Variants in CNTNAP4 observed in about 807,000 individuals in gnomAD.
CNTNAP4 encodes contactin-associated protein-like 4.
A neutral mutation model predicts 148.4 loss-of-function variants in CNTNAP4; 98 were observed. The observed-to-expected ratio is 0.66, with a 90% CI of 0.56 to 0.78. CNTNAP4 has a LOEUF of 0.78. Among genes scored for constraint, CNTNAP4 ranks in the 30% least tolerant of loss-of-function variants. CNTNAP4 has a pLI of 0.00. For missense variants in CNTNAP4, 1,935 were observed against 1,565.6 expected, an observed-to-expected ratio of 1.24 and a Z score of -3.98; for synonymous variants, 730 against 565.1, an observed-to-expected ratio of 1.29 and a Z score of -4.14.
At chr16:76,556,392 T>A (rs975843560) in intron 23 of CNTNAP4, among the ~76,000 whole-genome samples, 1 of 152,192 alleles carries the variant, frequency 6.6e-6, no homozygotes, top group African/African-American at 2.4e-5. Flanking sequence ...ACACGTGTGA[T>A]CAAAGTTTTT....
At chr16:76,538,763 A>T (rs1048823347) in intron 19 of CNTNAP4, among the ~76,000 whole-genome samples, 11 of 152,076 alleles carry the variant, frequency 7.2e-5, no homozygotes, top group Non-Finnish European at 4.4e-5. Context: ...GAGTAAGAAT[A>T]TGTCCACAAG....
At chr16:76,490,520 C>G (rs774688996) in intron 13 of CNTNAP4, among the ~76,000 whole-genome samples, 18 of 152,154 alleles carry the variant, frequency 1.2e-4, no homozygotes, top group Non-Finnish European at 2.6e-4. Flanking sequence ...TACAGTAAGC[C>G]TTCATGAGCT....
chr16:76,397,023 A>C (rs918508981), intron 3 of CNTNAP4, among the ~76,000 whole-genome samples: 9 of 152,164 alleles, frequency 5.9e-5, no homozygotes, highest in Non-Finnish European at 1.3e-4. Flanking sequence ...TAAGCAATGG[A>C]GAGGAATTCA....
At chr16:76,539,031 C>T (rs1181809375) in intron 19 of CNTNAP4, among the ~76,000 whole-genome samples, 2 of 151,916 alleles carry the variant, frequency 1.3e-5, no homozygotes. Flanking sequence ...CTGTACTGAA[C>T]ACCAAAATAA....
At chr16:76,429,484 G>A (rs1393466945) in intron 4 of CNTNAP4, among the ~76,000 whole-genome samples, 2 of 152,170 alleles carry the variant, frequency 1.3e-5, no homozygotes, top group South Asian at 2.1e-4. Context: ...ATTTATTAGA[G>A]AGAAAACTGG....
chr16:76,430,930 T>C (rs2079583381), intron 4 of CNTNAP4, among the ~76,000 whole-genome samples: 1 of 152,154 alleles, frequency 6.6e-6, no homozygotes, highest in African/African-American at 2.4e-5. Flanking sequence ...CCTTTAACCA[T>C]TTATTGGTAC....
intron 1 of CNTNAP4, among the ~76,000 whole-genome samples, chr16:76,312,345 C>T (rs756631439): frequency 1.3e-5 from 2 of 152,098 alleles, no homozygotes; most frequent in African/African-American, 2.4e-5. Context: ...TGGTTGAGAA[C>T]CTCTGAATTG....
Position 76,448,805 on chromosome 16 carries a change from C to G in CNTNAP4, c.781C>G (p.Leu261Val). 4.3e-6 allele frequency: 7 copies of G among 1,611,104 alleles called. No individual in the cohort carries two copies. The highest frequency in any genetic ancestry group is 5.9e-6 in the Non-Finnish European group (7 of 1,178,846). The change falls in exon 6 of 24, where the codon CTC becomes GTC. Residue 261 changes from leucine to valine, a missense_variant. By Grantham distance (32) the Leu-to-Val change is conservative. Transcript: ENST00000611870. The stretch of plus-strand genomic sequence containing the variant: ...GCCTTCCACTTCCACCCTGGTCAAT[C>G]TCACCCTGGGCAGCCTGCTAGATGA... ...KLPSTSTLVN[L>V]TLGSLLDDQH...
At chr16:76,532,765 G>A (rs921569637) in intron 17 of CNTNAP4, among the ~76,000 whole-genome samples, 6 of 152,228 alleles carry the variant, frequency 3.9e-5, no homozygotes, top group African/African-American at 1.2e-4. Flanking sequence ...CAACAAGGAC[G>A]CCAAAAGAAT....
At chr16:76,416,066 C>A (rs184863577) in intron 3 of CNTNAP4, among the ~76,000 whole-genome samples, 1 of 150,926 alleles carries the variant, frequency 6.6e-6, no homozygotes, top group East Asian at 1.9e-4. Flanking sequence ...TTATCTTCTG[C>A]CTTTCTTCTT....
chr16:76,555,559 G>A (rs2085162842), intron 23 of CNTNAP4, among the ~76,000 whole-genome samples: 4 of 152,122 alleles, frequency 2.6e-5, no homozygotes, highest in Admixed American at 1.3e-4. Context: ...ATAGATTCAG[G>A]TAAATACAGA....
chr16:76,350,879 A>G (rs888036891), intron 2 of CNTNAP4, among the ~76,000 whole-genome samples: 2 of 152,170 alleles, frequency 1.3e-5, no homozygotes, highest in Non-Finnish European at 2.9e-5. Context: ...GATTTATGAC[A>G]CTATTATGCC....
chr16:76,495,202 C>T (rs2082360953), intron 14 of CNTNAP4, 136 bp downstream of exon 14: 2 of 956,316 alleles, frequency 2.1e-6, no homozygotes, highest in African/African-American at 3.3e-5. Context: ...TTTAATGAAA[C>T]GTGGTGTAGT....
intron 13 of CNTNAP4, among the ~76,000 whole-genome samples, chr16:76,492,389 A>G (rs1311337811): frequency 6.6e-6 from 1 of 152,220 alleles, no homozygotes; most frequent in Non-Finnish European, 1.5e-5. Context: ...TTATTTGTCA[A>G]TTTTACTGCG....
At chr16:76,463,022 A>G (rs1200538482) in intron 9 of CNTNAP4, among the ~76,000 whole-genome samples, 2 of 152,244 alleles carry the variant, frequency 1.3e-5, no homozygotes, top group African/African-American at 4.8e-5. Context: ...TCTAAAAGCA[A>G]AAGAACAAAC....
chr16:76,553,731 T>A (rs2085070188), intron 22 of CNTNAP4, 105 bp from the exon 23 acceptor site: 1 of 723,522 alleles, frequency 1.4e-6, no homozygotes, highest in South Asian at 1.8e-5. Context: ...AGATCCCACA[T>A]TCGCCTCCAT....
intron 2 of CNTNAP4, among the ~76,000 whole-genome samples, chr16:76,322,117 G>T (rs1389036935): frequency 6.6e-5 from 10 of 152,196 alleles, no homozygotes; most frequent in Non-Finnish European, 1.3e-4. Context: ...ATGATATCCA[G>T]AATCCGATGT....
intron 22 of CNTNAP4, 26 bp from the exon 23 acceptor site, chr16:76,553,810 C>T: frequency 6.7e-7 from 1 of 1,501,144 alleles, no homozygotes; most frequent in Non-Finnish European, 9.2e-7. Context: ...ATATCACCTT[C>T]CCCCTTTGTT....
chr16:76,400,799 C>G (rs977952059), intron 3 of CNTNAP4, among the ~76,000 whole-genome samples: 1 of 152,112 alleles, frequency 6.6e-6, no homozygotes, highest in African/African-American at 2.4e-5. Context: ...ATAAGGGGTC[C>G]TTTCCACGTT....
Sources: allele counts gnomAD v4.1 joint callset (sites outside exome capture counted in the v4.1 genomes callset), GRCh38; gene constraint gnomAD v4.1.1; transcripts MANE v1.5; gene names NCBI Gene and HGNC (gene_info 2026-07-23, HGNC 2026-07-21).